Variants in SEZ6L observed in about 807,000 individuals in gnomAD.
SEZ6L encodes seizure related 6 homolog like, also known as seizure 6-like protein.
A neutral mutation model predicts 106.2 loss-of-function variants in SEZ6L; 37 were observed. That is an observed-to-expected ratio of 0.35 (90% confidence interval 0.27 to 0.46). SEZ6L has a LOEUF of 0.46. Ranked by LOEUF, SEZ6L falls within the 20% of genes least tolerant of loss-of-function variation. The pLI is 1.00. For synonymous variants in SEZ6L, 541 were observed against 570.4 expected, an observed-to-expected ratio of 0.95 and a Z score of 0.73; for missense variants, 1,172 against 1,332.8, an observed-to-expected ratio of 0.88 and a Z score of 1.88.
chr22:26,371,202 T>G (rs1050866780), intron 13 of SEZ6L, among the ~76,000 whole-genome samples: 7 of 152,140 alleles, frequency 4.6e-5, no homozygotes, highest in Non-Finnish European at 8.8e-5. Context: ...TGTTTTGTTT[T>G]GCCAAAAAAA....
At chr22:26,304,406 A>T (rs1363694831) in intron 5 of SEZ6L, among the ~76,000 whole-genome samples, 1 of 150,096 alleles carries the variant, frequency 6.7e-6, no homozygotes, top group East Asian at 1.9e-4. Context: ...GAAAGAAAGA[A>T]AGAAAGAAAG....
At chr22:26,367,387 A>G (rs959021465) in intron 13 of SEZ6L, among the ~76,000 whole-genome samples, 2 of 152,142 alleles carry the variant, frequency 1.3e-5, no homozygotes, top group Non-Finnish European at 2.9e-5. Flanking sequence ...TCTGTTGCAC[A>G]GGCTGGAATG....
chr22:26,220,063 C>T (rs887886564), intron 1 of SEZ6L, among the ~76,000 whole-genome samples: 3 of 152,132 alleles, frequency 2.0e-5, no homozygotes, highest in Non-Finnish European at 4.4e-5. Context: ...AAGTAAGCCT[C>T]ACAGGAAGTG....
In SEZ6L at chr22:26,296,977, C is replaced by T; in HGVS notation, c.1059C>T (p.Leu353=). The stretch of plus-strand genomic sequence containing the variant: ...TGACCGTCCTGGCCAACCAGACACT[C>T]CTGGTGGAGGGGCAGGTAATCCGAA... ...PTLTVLANQT[L]LVEGQVIRSP... The change falls in exon 4 of 17, where the codon CTC becomes CTT. Residue 353 remains leucine (L), a synonymous_variant. Coordinates refer to ENST00000248933, the MANE Select transcript of SEZ6L (RefSeq NM_021115.5). 6.2e-7 allele frequency: 1 copy of T among 1,614,160 alleles called. No homozygotes were observed. Among genetic ancestry groups the T allele is most frequent in the Non-Finnish European group, 8.5e-7 (1 of 1,180,004 alleles).
chr22:26,348,590 A>AAGAAAGAAAGAAAGAAAGAAAGAAAG (rs1569473405), intron 11 of SEZ6L, among the ~76,000 whole-genome samples: 3 of 67,482 alleles, frequency 4.4e-5, no homozygotes, highest in South Asian at 6.8e-4. Flanking sequence ...AAGAAAGAGA[A>AAGAAAGAAAGAAAGAAAGAAAGAAAG]AGAAAGAAAG....
intron 9 of SEZ6L, among the ~76,000 whole-genome samples, chr22:26,314,219 G>A (rs904275620): frequency 4.6e-5 from 7 of 152,156 alleles, no homozygotes; most frequent in African/African-American, 1.4e-4. Context: ...TGTGATGTAA[G>A]GAGAGGTTAA....
intron 1 of SEZ6L, among the ~76,000 whole-genome samples, chr22:26,264,082 C>T (rs73419521): frequency 0.023 from 3,489 of 152,326 alleles, 130 homozygotes; most frequent in African/African-American, 0.078. Flanking sequence ...CTAAGATTAT[C>T]GTTGGCCATC....
rs1162478991 is a variant in SEZ6L, at chr22:26,314,093, C to CAGAG, written c.2015+192_2015+193insGAGA. ...AAATACACACACACACACACACACACACAGAGAGAGAGAGAGAGGAGAGAG... is the reference window on the plus strand; with the variant it reads ...AAATACACACACACACACACACACACAGAGACAGAGAGAGAGAGAGAGGAGAGAG... On this transcript the variant is annotated intron_variant, in intron 9 of 16. Transcript: ENST00000248933. 7.4e-3 allele frequency among the ~76,000 whole-genome samples: 1,020 copies of CAGAG among 138,356 alleles called. 6 individuals carry two copies. The highest frequency in any genetic ancestry group is 0.022 in the African/African-American group (784 of 35,696). 90.8% of individuals were successfully genotyped at this position (138,356 alleles called of 152,430 possible).
intron 10 of SEZ6L, 30 bp from the exon 11 acceptor site, chr22:26,347,689 C>T (rs1302703691): frequency 6.4e-7 from 1 of 1,561,926 alleles, no homozygotes; most frequent in Non-Finnish European, 8.6e-7. Flanking sequence ...ACTGCTTCCC[C>T]CATCTAAGAC....
intron 1 of SEZ6L, among the ~76,000 whole-genome samples, chr22:26,226,848 T>C (rs947057637): frequency 3.9e-5 from 6 of 152,166 alleles, no homozygotes; most frequent in Non-Finnish European, 5.9e-5. Flanking sequence ...TTTTGCCCCA[T>C]CCCTTTGTTC....
intron 9 of SEZ6L, among the ~76,000 whole-genome samples, chr22:26,338,856 TTTTTTTTTTTC>T (rs918202994): frequency 1.0e-5 from 1 of 96,584 alleles, no homozygotes; most frequent in Non-Finnish European, 2.0e-5. Context: ...ACGCCCGGAC[TTTTTTTTTTTC>T]TTTTTTTTTT....
chr22:26,369,906 C>T lies in SEZ6L; in HGVS notation c.2795-3545C>T, dbSNP rs144201578. Among the ~76,000 whole-genome samples, 1,140 of 151,974 alleles carry T rather than the reference C, an allele frequency of 7.5e-3. 15 individuals are homozygous for T. The highest frequency in any genetic ancestry group is 0.026 in the African/African-American group (1,070 of 41,488). On this transcript the variant is annotated intron_variant, in intron 13 of 16. Transcript: ENST00000248933. ...TGCTGGGATTACAGGCGTGAGCCATCATACCCGACCTGAATTTATTTTTGA... is the reference window on the plus strand; with the variant it reads ...TGCTGGGATTACAGGCGTGAGCCATTATACCCGACCTGAATTTATTTTTGA...
At chr22:26,277,377 A>C (rs779353007) in intron 1 of SEZ6L, among the ~76,000 whole-genome samples, 1 of 152,198 alleles carries the variant, frequency 6.6e-6, no homozygotes, top group Non-Finnish European at 1.5e-5. Context: ...GTGTGAGTTC[A>C]CGTGTGCAGT....
chr22:26,356,411 G>A (rs1470636238), intron 12 of SEZ6L, among the ~76,000 whole-genome samples: 2 of 152,068 alleles, frequency 1.3e-5, no homozygotes, highest in African/African-American at 2.4e-5. Context: ...GGAGGCTGAG[G>A]CGGGCAGATT....
intron 1 of SEZ6L, among the ~76,000 whole-genome samples, chr22:26,234,510 C>T (rs898125258): frequency 2.6e-5 from 4 of 152,148 alleles, no homozygotes; most frequent in African/African-American, 7.2e-5. Flanking sequence ...GGAGAACGAA[C>T]GTCTTGCTCT....
intron 13 of SEZ6L, 130 bp from the exon 14 acceptor site, chr22:26,373,321 T>C: frequency 1.4e-6 from 1 of 732,818 alleles, no homozygotes; most frequent in East Asian, 2.5e-5. Flanking sequence ...TGGCCCAAGA[T>C]AAGTAAAAAC....
At chr22:26,289,796 C>A (rs1283199743) in intron 1 of SEZ6L, among the ~76,000 whole-genome samples, 1 of 152,216 alleles carries the variant, frequency 6.6e-6, no homozygotes, top group Non-Finnish European at 1.5e-5. Flanking sequence ...AATGACAGCA[C>A]TGGAGGGCCT....
chr22:26,202,996 CACT>C (rs1569374959), intron 1 of SEZ6L, among the ~76,000 whole-genome samples: 1 of 152,168 alleles, frequency 6.6e-6, no homozygotes, highest in Non-Finnish European at 1.5e-5. Context: ...CTGCTTACAC[CACT>C]GAGGACAGAT....
intron 1 of SEZ6L, among the ~76,000 whole-genome samples, chr22:26,277,549 T>C (rs924988675): frequency 6.6e-6 from 1 of 152,254 alleles, no homozygotes; most frequent in Admixed American, 6.5e-5. Context: ...GTTGCCTTCA[T>C]GTTCTTTGCT....
Sources: allele counts gnomAD v4.1 joint callset (sites outside exome capture counted in the v4.1 genomes callset), GRCh38; gene constraint gnomAD v4.1.1; transcripts MANE v1.5; gene names NCBI Gene and HGNC (gene_info 2026-07-23, HGNC 2026-07-21).